Variants in SCRG1 observed in about 807,000 individuals in gnomAD.
The protein encoded by SCRG1 is scrapie-responsive protein 1.
SCRG1 carries 3 observed loss-of-function variants against 7.7 expected under a neutral mutation model. That is an observed-to-expected ratio of 0.39 (90% CI 0.18 to 1.01). The LOEUF is 1.01. SCRG1 is among the 50% of genes least tolerant of loss of function. SCRG1 has a pLI of 0.36. For synonymous variants in SCRG1, 46 were observed against 41.2 expected (o/e 1.12, Z -0.44); for missense variants, 110 against 117.2 (o/e 0.94, Z 0.28).
chr4:173,385,026 C>G lies in SCRG1; in HGVS notation c.*3315G>C, dbSNP rs1435840564. ...ATTCAAAATCTGGCTCAATTGCTCA[C>G]TGATAATGTAAACTTAGACAAACTA... On this transcript the variant is annotated 3_prime_UTR_variant, in exon 3 of 3. Transcript: ENST00000296506. 1 of 152,206 alleles carries G rather than the reference C, an allele frequency of 6.6e-6. No homozygotes were observed. The highest frequency in any genetic ancestry group is 6.5e-5 in the Admixed American group (1 of 15,284). 9.4% of individuals were successfully genotyped at this position (152,206 alleles called of 1,614,324 possible). A position where few individuals can be genotyped will look rare whatever the true frequency, so the allele number is the denominator to read the frequency against.
chr4:173,507,724 C>A, the SCRG1 span, among the ~76,000 whole-genome samples: 5 of 152,280 alleles, frequency 3.3e-5, no homozygotes, highest in South Asian at 1.0e-3. The surrounding 1 kb of genome is among the most constrained non-coding windows in gnomAD (Gnocchi z 4.4). Flanking sequence ...AACAACCCCG[C>A]AGGATGAGAG....
the SCRG1 span, among the ~76,000 whole-genome samples, chr4:173,467,592 A>G: frequency 6.6e-6 from 1 of 152,176 alleles, no homozygotes; most frequent in Non-Finnish European, 1.5e-5. Context: ...ATTAACTTGG[A>G]CATTCACCTA....
the SCRG1 span, among the ~76,000 whole-genome samples, chr4:173,414,892 G>A: frequency 1.3e-5 from 2 of 152,168 alleles, no homozygotes; most frequent in Admixed American, 1.3e-4. Flanking sequence ...TGGGCACTGC[G>A]TGCTTGCTTG....
At chr4:173,461,737 C>T in the SCRG1 span, among the ~76,000 whole-genome samples, 1 of 151,970 alleles carries the variant, frequency 6.6e-6, no homozygotes, top group Non-Finnish European at 1.5e-5. Flanking sequence ...AGGGACCGAT[C>T]CTGGAGAAAC....
the SCRG1 span, among the ~76,000 whole-genome samples, chr4:173,430,806 C>CAAAAA: frequency 1.7e-5 from 1 of 59,104 alleles, no homozygotes; most frequent in African/African-American, 7.2e-5. Flanking sequence ...GACCCTGTCT[C>CAAAAA]AAAAAAAAAA....
At chr4:173,392,797 A>G (rs1341697386) in intron 1 of SCRG1, among the ~76,000 whole-genome samples, 1 of 152,198 alleles carries the variant, frequency 6.6e-6, no homozygotes, top group African/African-American at 2.4e-5. Flanking sequence ...AAAGAAAACA[A>G]TATTGTGGAA....
chr4:173,385,876 T>G lies in SCRG1; in HGVS notation c.*2465A>C, dbSNP rs1739230245. On this transcript the variant is annotated 3_prime_UTR_variant, in exon 3 of 3. Coordinates refer to ENST00000296506, the MANE Select transcript of SCRG1 (RefSeq NM_007281.4). ...GTTCCTACCAAGTAGAAAATAAAACTGGTTTGCTGATAGTTTTTTTAAATT... is the reference window on the plus strand; with the variant it reads ...GTTCCTACCAAGTAGAAAATAAAACGGGTTTGCTGATAGTTTTTTTAAATT... 6.6e-6 allele frequency: 1 copy of G among 152,156 alleles called. No homozygotes were observed. The highest frequency in any genetic ancestry group is 2.1e-4 in the South Asian group (1 of 4,834). The allele number at this position is 152,156 out of a possible 1,614,324, so 9.4% of individuals were successfully genotyped here. A position where few individuals can be genotyped will look rare whatever the true frequency, so the allele number is the denominator to read the frequency against.
chr4:173,415,581 G>A, the SCRG1 span, among the ~76,000 whole-genome samples: 1 of 152,174 alleles, frequency 6.6e-6, no homozygotes, highest in African/African-American at 2.4e-5. Flanking sequence ...AAGGGAAAGA[G>A]AACTGGCATT....
chr4:173,420,162 G>A, the SCRG1 span: 31 of 491,386 alleles, frequency 6.3e-5, no homozygotes, highest in South Asian at 3.1e-4. Context: ...ACCCACATCC[G>A]TGGCTCAACA....
chr4:173,452,562 G>A, the SCRG1 span, among the ~76,000 whole-genome samples: 1 of 152,142 alleles, frequency 6.6e-6, no homozygotes, highest in Non-Finnish European at 1.5e-5. Flanking sequence ...TTAATATTTA[G>A]AGGCAATTAG....
the SCRG1 span, among the ~76,000 whole-genome samples, chr4:173,502,180 C>G: frequency 7.1e-6 from 1 of 141,624 alleles, no homozygotes; most frequent in South Asian, 2.4e-4. This position sits in a 1 kb window ranked among gnomAD's most constrained non-coding sequence, Gnocchi z 4.6. Flanking sequence ...GGCTTTCCCT[C>G]TTCAGGAAGA....
chr4:173,494,224 G>A, the SCRG1 span, among the ~76,000 whole-genome samples: 1 of 152,282 alleles, frequency 6.6e-6, no homozygotes, highest in Admixed American at 6.5e-5. Context: ...GTCTGCAACA[G>A]TCAGATTCAA....
the SCRG1 span, among the ~76,000 whole-genome samples, chr4:173,482,289 T>A: frequency 2.6e-5 from 4 of 152,136 alleles, no homozygotes; most frequent in Non-Finnish European, 5.9e-5. Context: ...TTTAGATATA[T>A]CCATGGTTAG....
At chr4:173,518,158 A>G in the SCRG1 span, among the ~76,000 whole-genome samples, 2 of 152,034 alleles carry the variant, frequency 1.3e-5, no homozygotes, top group African/African-American at 4.8e-5. Context: ...CCGCAGGAAC[A>G]CTCCAAGTTC....
the SCRG1 span, among the ~76,000 whole-genome samples, chr4:173,425,303 A>G: frequency 1.3e-5 from 2 of 152,208 alleles, no homozygotes; most frequent in African/African-American, 2.4e-5. Flanking sequence ...AAGACTTCAC[A>G]TGACTAATTA....
chr4:173,507,509 C>T, the SCRG1 span, among the ~76,000 whole-genome samples: 2 of 152,180 alleles, frequency 1.3e-5, no homozygotes, highest in African/African-American at 4.8e-5. This position sits in a 1 kb window ranked among gnomAD's most constrained non-coding sequence, Gnocchi z 4.4. Flanking sequence ...CCGGCCTGGC[C>T]CTGTTCTTTT....
the SCRG1 span, among the ~76,000 whole-genome samples, chr4:173,432,988 A>ATC: frequency 6.6e-6 from 1 of 152,228 alleles, no homozygotes; most frequent in East Asian, 1.9e-4. Flanking sequence ...GCAGAGGAGG[A>ATC]TCTCCCTTTT....
the SCRG1 span, among the ~76,000 whole-genome samples, chr4:173,483,623 A>G: frequency 3.8e-3 from 152 of 40,426 alleles, 26 homozygotes; most frequent in Non-Finnish European, 4.5e-3. Context: ...ATGATATATT[A>G]TATTGTGATA....
the SCRG1 span, among the ~76,000 whole-genome samples, chr4:173,502,000 G>T: frequency 6.6e-6 from 1 of 152,156 alleles, no homozygotes; most frequent in Non-Finnish European, 1.5e-5. The surrounding 1 kb of genome is among the most constrained non-coding windows in gnomAD (Gnocchi z 5.1). Flanking sequence ...GTACCTGCGC[G>T]TGAACCTAGT....
Sources: gnomAD v4.1 joint callset for allele counts (sites outside exome capture counted in the v4.1 genomes callset) on GRCh38, gnomAD v4.1.1 for gene constraint, Gnocchi (gnomAD v3.1) non-coding constraint, MANE v1.5 for transcripts, NCBI Gene and HGNC (gene_info 2026-07-23, HGNC 2026-07-21) for gene names.